The following SLC14A2 variants were observed in gnomAD, a reference collection of about 807,000 sequenced individuals.
SLC14A2 encodes the protein solute carrier family 14 member 2.
In SLC14A2, 91 loss-of-function variants were observed where a neutral mutation model predicts 104.6. That is an observed-to-expected ratio of 0.87 (90% CI 0.73 to 1.04). The LOEUF is 1.04. Ranked by LOEUF, SLC14A2 falls within the 50% of genes least tolerant of loss-of-function variation. The pLI, the probability that SLC14A2 is intolerant of heterozygous loss-of-function variation, is 0.00. For missense variants in SLC14A2, 1,189 were observed against 1,156.0 expected, an observed-to-expected ratio of 1.03 and a Z score of -0.41; for synonymous variants, 476 against 466.4, an observed-to-expected ratio of 1.02 and a Z score of -0.27.
At chr18:45,597,188 G>C (rs1017259448) in intron 2 of SLC14A2, among the ~76,000 whole-genome samples, 1 of 152,146 alleles carries the variant, frequency 6.6e-6, no homozygotes, top group Non-Finnish European at 1.5e-5. Context: ...TTAGCCAGGC[G>C]TGGTGGTGTG....
chr18:45,587,628 C>A (rs2044586769), intron 2 of SLC14A2, among the ~76,000 whole-genome samples: 1 of 152,142 alleles, frequency 6.6e-6, no homozygotes, highest in African/African-American at 2.4e-5. Context: ...GGCATCAAAA[C>A]CTGCCCTTAT....
the SLC14A2 span, among the ~76,000 whole-genome samples, chr18:45,188,321 G>A: frequency 1.3e-5 from 2 of 152,004 alleles, no homozygotes; most frequent in African/African-American, 2.4e-5. Context: ...TAGAATCTTT[G>A]GACACCTCCT....
At chr18:45,534,764 T>G (rs1279067416) in intron 2 of SLC14A2, among the ~76,000 whole-genome samples, 1 of 152,146 alleles carries the variant, frequency 6.6e-6, no homozygotes, top group Non-Finnish European at 1.5e-5. Flanking sequence ...AGATCATTAT[T>G]CCAACCATGC....
intron 1 of SLC14A2, among the ~76,000 whole-genome samples, chr18:45,430,325 T>C (rs896547922): frequency 2.0e-5 from 3 of 152,194 alleles, no homozygotes; most frequent in African/African-American, 7.2e-5. Flanking sequence ...CTTTTAGTAG[T>C]TATATTTGTT....
intron 1 of SLC14A2, among the ~76,000 whole-genome samples, chr18:45,215,802 G>T (rs574444681): frequency 6.6e-6 from 1 of 152,106 alleles, no homozygotes; most frequent in Non-Finnish European, 1.5e-5. Context: ...CCCAGTACCG[G>T]TTCTTTTTAC....
rs543436600 is a variant in SLC14A2 at position 45,351,291 on chromosome 18, C to G, written c.-124-131942C>G. On this transcript the variant is annotated intron_variant, in intron 1 of 20. Transcript: ENST00000586448. ...AGAAAATCCTATCCTTCCTGGGTCT[C>G]CAACCCAAATAGCCTCATTTTTTTC... Among the ~76,000 whole-genome samples, 7 of 152,228 alleles carry G rather than the reference C, an allele frequency of 4.6e-5. No individual in the cohort carries two copies. The East Asian group carries it at 1.4e-3, about 29-fold the overall frequency.
At chr18:45,268,079 G>A (rs529107613) in intron 1 of SLC14A2, among the ~76,000 whole-genome samples, 6 of 152,132 alleles carry the variant, frequency 3.9e-5, no homozygotes, top group African/African-American at 1.2e-4. Flanking sequence ...TTTGTTTCAT[G>A]CCCATTAATC....
intron 1 of SLC14A2, among the ~76,000 whole-genome samples, chr18:45,439,723 A>T (rs1029302285): frequency 7.9e-5 from 12 of 152,194 alleles, no homozygotes; most frequent in African/African-American, 2.7e-4. Context: ...TTGGAAGGGA[A>T]TGGCACCACA....
intron 1 of SLC14A2, among the ~76,000 whole-genome samples, chr18:45,367,985 A>G (rs1296339935): frequency 6.6e-6 from 1 of 152,160 alleles, no homozygotes; most frequent in African/African-American, 2.4e-5. Flanking sequence ...GATTGAAAAC[A>G]GGAACATCTG....
chr18:45,543,339 CACAT>C (rs1244000306), intron 2 of SLC14A2, among the ~76,000 whole-genome samples: 1 of 152,006 alleles, frequency 6.6e-6, no homozygotes, highest in Non-Finnish European at 1.5e-5. Context: ...AAAAAATACA[CACAT>C]ATATATAAAA....
chr18:45,449,380 C>T (rs944070868), intron 1 of SLC14A2, among the ~76,000 whole-genome samples: 2 of 152,166 alleles, frequency 1.3e-5, no homozygotes, highest in African/African-American at 4.8e-5. Flanking sequence ...CTTCTCCTGA[C>T]CCCAACTCTG....
At position 45,283,839 on chromosome 18, in the gene SLC14A2, G is replaced by A. The variant is rs2084787446; in HGVS notation, c.-125+70648G>A. On this transcript the variant is annotated intron_variant, in intron 1 of 20. Coordinates refer to the SLC14A2 transcript ENST00000586448. ...CTGAAACCATGAGAGATCACTGGAA[G>A]CCCTTAAAGCTGTGCTTTCTGGTAG... is the stretch of plus-strand genomic sequence containing the variant. 3.3e-5 allele frequency among the ~76,000 whole-genome samples: 5 copies of A among 152,154 alleles called. No homozygotes were observed. The South Asian group carries it at 1.0e-3, about 31-fold the overall frequency.
chr18:45,415,011 G>A (rs1342422758), intron 1 of SLC14A2, among the ~76,000 whole-genome samples: 1 of 151,788 alleles, frequency 6.6e-6, no homozygotes, highest in African/African-American at 2.4e-5. Context: ...TTTTAAAGGA[G>A]ATGCTGTATC....
At chr18:45,323,995 A>G (rs901148634) in intron 1 of SLC14A2, among the ~76,000 whole-genome samples, 5 of 152,240 alleles carry the variant, frequency 3.3e-5, no homozygotes, top group African/African-American at 1.2e-4. Context: ...TAGGGAAGGA[A>G]GGCAAAAGAG....
chr18:45,612,340 G>A (rs562354742), upstream of SLC14A2, among the ~76,000 whole-genome samples: 1 of 152,306 alleles, frequency 6.6e-6, no homozygotes, highest in African/African-American at 2.4e-5. Context: ...ACATGGCAAG[G>A]TTAACTTCTT....
chr18:45,313,241 G>A (rs1264511841), intron 1 of SLC14A2, among the ~76,000 whole-genome samples: 5 of 152,166 alleles, frequency 3.3e-5, no homozygotes, highest in African/African-American at 1.2e-4. Context: ...AGGGGGACTA[G>A]ATGCCCACTT....
intron 1 of SLC14A2, among the ~76,000 whole-genome samples, chr18:45,412,686 G>T (rs986101377): frequency 2.6e-5 from 4 of 152,196 alleles, no homozygotes; most frequent in Non-Finnish European, 5.9e-5. Flanking sequence ...ACATCATGGT[G>T]GATGAGCTGT....
chr18:45,228,335 G>T (rs1183014581), intron 1 of SLC14A2, among the ~76,000 whole-genome samples: 1 of 152,140 alleles, frequency 6.6e-6, no homozygotes, highest in Non-Finnish European at 1.5e-5. Context: ...TTCTGGAAGG[G>T]GAGCTGTTAC....
intron 2 of SLC14A2, among the ~76,000 whole-genome samples, chr18:45,600,872 G>A (rs2044780309): frequency 6.6e-6 from 1 of 152,204 alleles, no homozygotes; most frequent in South Asian, 2.1e-4. Flanking sequence ...GTAGAGCCCT[G>A]TTTATACAGG....
Sources: allele counts gnomAD v4.1 joint callset (sites outside exome capture counted in the v4.1 genomes callset), GRCh38; gene constraint gnomAD v4.1.1; transcripts MANE v1.5; gene names NCBI Gene and HGNC (gene_info 2026-07-23, HGNC 2026-07-21).